SLC44A5: variants seen among roughly 807,000 people sequenced by gnomAD.
SLC44A5 encodes the protein choline transporter-like protein 5.
Under a neutral mutation model 101.8 loss-of-function variants are expected in SLC44A5, and 57 were observed. That is an observed-to-expected ratio of 0.56 (90% CI 0.45 to 0.70). The LOEUF is 0.70. Ranked by LOEUF, SLC44A5 falls within the 30% of genes least tolerant of loss-of-function variation. The pLI, the probability that SLC44A5 is intolerant of heterozygous loss-of-function variation, is 0.00. For synonymous variants in SLC44A5, 281 were observed against 290.9 expected, an observed-to-expected ratio of 0.97 and a Z score of 0.35; for missense variants, 737 against 853.1, an observed-to-expected ratio of 0.86 and a Z score of 1.70.
Position 75,247,581 on chromosome 1 carries a change from C to T in SLC44A5, c.345+3629G>A, listed in dbSNP as rs182712571. On this transcript the variant is annotated intron_variant, in intron 7 of 23. Transcript: ENST00000370859. ...AATACAGACTTAGAAAAGGACCAAG[C>T]TTCTTGTGGGAGGGAAATGCAGTGT... Among the ~76,000 whole-genome samples, 20 of 152,084 alleles carry T rather than the reference C, an allele frequency of 1.3e-4. No homozygotes were observed. In the East Asian group the frequency reaches 3.7e-3, roughly 28 times the overall value.
the SLC44A5 span, among the ~76,000 whole-genome samples, chr1:75,709,664 T>C: frequency 6.6e-6 from 1 of 152,240 alleles, no homozygotes; most frequent in Non-Finnish European, 1.5e-5. Context: ...CTCCTAAATC[T>C]GTAGCTATTC....
the SLC44A5 span, among the ~76,000 whole-genome samples, chr1:75,631,838 AT>A: frequency 2.2e-4 from 33 of 151,668 alleles, no homozygotes; most frequent in African/African-American, 7.8e-4. Flanking sequence ...CGCCCAGCCA[AT>A]TTTTGTATTT....
intron 2 of SLC44A5, among the ~76,000 whole-genome samples, chr1:75,503,896 G>A (rs1386351564): frequency 6.6e-6 from 1 of 152,112 alleles, no homozygotes; most frequent in Admixed American, 6.6e-5. Context: ...ATATGTGTAG[G>A]CTGAATATGC....
intron 2 of SLC44A5, among the ~76,000 whole-genome samples, chr1:75,462,433 C>A (rs1372283713): frequency 6.6e-6 from 1 of 152,142 alleles, no homozygotes; most frequent in African/African-American, 2.4e-5. Context: ...AAAGCCCACA[C>A]TGAGAAGACT....
chr1:75,302,278 G>A (rs1654549974), intron 4 of SLC44A5, among the ~76,000 whole-genome samples: 1 of 151,820 alleles, frequency 6.6e-6, no homozygotes, highest in South Asian at 2.1e-4. Flanking sequence ...AATAGAAAAT[G>A]CATACAGGTA....
intron 1 of SLC44A5, among the ~76,000 whole-genome samples, chr1:75,545,859 T>C (rs1267581359): frequency 1.3e-5 from 2 of 151,456 alleles, no homozygotes; most frequent in Non-Finnish European, 2.9e-5. Context: ...GGTCTTGTTC[T>C]GTCACCCAGG....
At chr1:75,300,718 G>T in intron 4 of SLC44A5, 33 bp from the exon 5 acceptor site, 2 of 1,466,988 alleles carry the variant, frequency 1.4e-6, no homozygotes, top group South Asian at 1.4e-5. Flanking sequence ...ATAATTAAAA[G>T]AGGTCCCAAA....
chr1:75,597,578 T>C (rs1029259445), intron 1 of SLC44A5, among the ~76,000 whole-genome samples: 14 of 152,262 alleles, frequency 9.2e-5, no homozygotes, highest in Admixed American at 2.6e-4. Flanking sequence ...TAAAACACCA[T>C]GGTACTGTTA....
At chr1:75,575,245 C>T (rs1673295029) in intron 1 of SLC44A5, among the ~76,000 whole-genome samples, 1 of 152,128 alleles carries the variant, frequency 6.6e-6, no homozygotes, top group Admixed American at 6.6e-5. Context: ...GATGCTTCCC[C>T]CACATGTGTC....
At chr1:75,351,244 ATGG>A (rs2101070664) in intron 3 of SLC44A5, among the ~76,000 whole-genome samples, 1 of 152,200 alleles carries the variant, frequency 6.6e-6, no homozygotes, top group South Asian at 2.1e-4. Context: ...AGACATAATC[ATGG>A]TAAAGATTGT....
chr1:75,368,436 G>A (rs1487046945), intron 3 of SLC44A5, among the ~76,000 whole-genome samples: 1 of 152,162 alleles, frequency 6.6e-6, no homozygotes, highest in Non-Finnish European at 1.5e-5. Context: ...TCCACAGTTG[G>A]CTAAATCTGC....
the SLC44A5 span, chr1:75,677,764 A>T: frequency 1.4e-5 from 6 of 439,680 alleles, no homozygotes; most frequent in Non-Finnish European, 2.3e-5. Context: ...AGGAACCAAG[A>T]TGGCCGAATA....
chr1:75,374,380 G>A (rs1660429087), intron 3 of SLC44A5, among the ~76,000 whole-genome samples: 2 of 152,188 alleles, frequency 1.3e-5, no homozygotes, highest in South Asian at 4.1e-4. Flanking sequence ...TAGGTCTCCA[G>A]GGAATTGTGG....
rs897689726 is a variant in SLC44A5, at chr1:75,507,104, T to C, written c.13+34331A>G. On this transcript the variant is annotated intron_variant, in intron 2 of 23. Coordinates refer to ENST00000370859, the MANE Select transcript of SLC44A5 (RefSeq NM_001130058.2). ...TTTTTGTAGAGATGGGGTTTTACCA[T>C]GTCACTAAGTCTGATAGTTCCTATT... Among the ~76,000 whole-genome samples, 12 of 152,082 alleles carry C rather than the reference T, an allele frequency of 7.9e-5. 1 individual carries two copies. The highest frequency in any genetic ancestry group is 6.6e-4 in the Admixed American group (10 of 15,262).
chr1:75,219,449 A>T, intron 15 of SLC44A5, 105 bp from the exon 16 acceptor site: 1 of 776,084 alleles, frequency 1.3e-6, no homozygotes, highest in Non-Finnish European at 2.2e-6. Flanking sequence ...TTAACTTAAA[A>T]AATGCCTAAT....
chr1:75,471,790 C>T (rs1667126343), intron 2 of SLC44A5, among the ~76,000 whole-genome samples: 2 of 151,980 alleles, frequency 1.3e-5, no homozygotes, highest in South Asian at 2.1e-4. Flanking sequence ...TCTACCTATG[C>T]CTAGAGAAGA....
rs35608663 is a variant in SLC44A5 at position 75,300,014 on chromosome 1, C to CAAAAAAAAAAAA, written c.175+586_175+597dup. Among the ~76,000 whole-genome samples, 187 of 93,754 alleles carry CAAAAAAAAAAAA rather than the reference C, an allele frequency of 2.0e-3. 1 individual carries two copies. Among genetic ancestry groups the CAAAAAAAAAAAA allele is most frequent in the African/African-American group, 9.4e-3 (175 of 18,526 alleles). The allele number at this position is 93,754 out of a possible 152,430, so 61.5% of individuals were successfully genotyped here. A position where few individuals can be genotyped will look rare whatever the true frequency, so the allele number is the denominator to read the frequency against. On this transcript the variant is annotated intron_variant, in intron 5 of 23. Coordinates refer to ENST00000370859, the MANE Select transcript of SLC44A5 (RefSeq NM_001130058.2). ...CTGGGAACACAGTGAGACTCTGTCTCAAAAAAAAAAAAAAAAAAAAAAAAA... is the reference window on the plus strand; with the variant it reads ...CTGGGAACACAGTGAGACTCTGTCTCAAAAAAAAAAAAAAAAAAAAAAAAAAAAAAAAAAAAA...
At chr1:75,549,231 G>C (rs1671808711) in intron 1 of SLC44A5, among the ~76,000 whole-genome samples, 1 of 152,060 alleles carries the variant, frequency 6.6e-6, no homozygotes, top group African/African-American at 2.4e-5. Flanking sequence ...CTCTGTTCTT[G>C]AGTTCCAGTC....
chr1:75,220,521 T>A (rs1047124643), intron 14 of SLC44A5, among the ~76,000 whole-genome samples: 1 of 152,110 alleles, frequency 6.6e-6, no homozygotes, highest in Non-Finnish European at 1.5e-5. Flanking sequence ...TATTTGCAGT[T>A]AAATGTATTT....
Sources: allele counts gnomAD v4.1 joint callset (sites outside exome capture counted in the v4.1 genomes callset), GRCh38; gene constraint gnomAD v4.1.1; transcripts MANE v1.5; gene names NCBI Gene and HGNC (gene_info 2026-07-23, HGNC 2026-07-21).